The following SERPINE2 variants were observed in gnomAD, a reference collection of about 807,000 sequenced individuals.
SERPINE2 encodes the protein serpin family E member 2, also known as glia-derived nexin.
Under a neutral mutation model 36.3 loss-of-function variants are expected in SERPINE2, and 14 were observed. That is an observed-to-expected ratio of 0.39 (90% confidence interval 0.25 to 0.60). SERPINE2 has a LOEUF of 0.60. SERPINE2 is among the 20% of genes least tolerant of loss of function. The pLI, the probability that SERPINE2 is intolerant of heterozygous loss-of-function variation, is 0.57. For missense variants in SERPINE2, 418 were observed against 499.6 expected (o/e 0.84, Z 1.56); for synonymous variants, 192 against 191.8 (o/e 1.00, Z -0.01).
chr2:224,009,702 A>C (rs558286908), intron 1 of SERPINE2, among the ~76,000 whole-genome samples: 2 of 152,004 alleles, frequency 1.3e-5, no homozygotes, highest in African/African-American at 2.4e-5. Context: ...CTCAAAAAAA[A>C]AACAACAACA....
At chr2:224,013,195 A>T (rs1691688920) in intron 1 of SERPINE2, among the ~76,000 whole-genome samples, 1 of 152,300 alleles carries the variant, frequency 6.6e-6, no homozygotes. Flanking sequence ...TCCCCGGCTC[A>T]CTGAAATAGG....
chr2:224,021,094 T>C (rs1691982487), intron 1 of SERPINE2, among the ~76,000 whole-genome samples: 1 of 152,188 alleles, frequency 6.6e-6, no homozygotes, highest in African/African-American at 2.4e-5. Flanking sequence ...AGACCATGGA[T>C]AAGGACATCC....
chr2:224,020,538 T>C (rs1040032236), intron 1 of SERPINE2, among the ~76,000 whole-genome samples: 2 of 152,142 alleles, frequency 1.3e-5, no homozygotes, highest in African/African-American at 4.8e-5. Flanking sequence ...ACTAATATAA[T>C]ATGCTGCTGA....
At chr2:223,987,315 A>G (rs944974327) in intron 4 of SERPINE2, among the ~76,000 whole-genome samples, 6 of 152,122 alleles carry the variant, frequency 3.9e-5, no homozygotes, top group Non-Finnish European at 7.4e-5. Flanking sequence ...TCACAGTCTA[A>G]ACACAAAATC....
At chr2:223,979,219 C>T (rs1352490893) in intron 7 of SERPINE2, 1 of 152,170 alleles carries the variant, frequency 6.6e-6, no homozygotes, top group Non-Finnish European at 1.5e-5. Flanking sequence ...AATTCTTATA[C>T]ATTTTGAACA....
chr2:223,981,936 T>C (rs1471145883), intron 6 of SERPINE2: 1 of 149,948 alleles, frequency 6.7e-6, no homozygotes, highest in African/African-American at 2.5e-5. Context: ...AAGGAAAAAG[T>C]TGGCATTTGA....
At chr2:223,977,650 T>C in intron 7 of SERPINE2, 23 bp from the exon 8 acceptor site, 2 of 1,537,592 alleles carry the variant, frequency 1.3e-6, no homozygotes, top group African/African-American at 1.4e-5. Context: ...AAGGAAAATG[T>C]GTTGTGCACA....
intron 1 of SERPINE2, among the ~76,000 whole-genome samples, chr2:224,015,696 G>A (rs750084535): frequency 2.6e-4 from 39 of 152,072 alleles, no homozygotes; most frequent in Admixed American, 4.6e-4. Context: ...CTCACCACCC[G>A]GCACTGCGCA....
intron 1 of SERPINE2, among the ~76,000 whole-genome samples, chr2:224,014,384 A>AAAAAG (rs1480491746): frequency 2.0e-5 from 3 of 152,142 alleles, no homozygotes; most frequent in African/African-American, 7.2e-5. Context: ...AAAAAAAAAG[A>AAAAAG]AAAAGAAAAA....
intron 1 of SERPINE2, among the ~76,000 whole-genome samples, chr2:224,024,768 A>G (rs1392218576): frequency 1.3e-5 from 2 of 152,252 alleles, no homozygotes; most frequent in African/African-American, 4.8e-5. Flanking sequence ...TGCTGCCAAC[A>G]TCCAAAGCTA....
chr2:224,001,297 C>T (rs889182939), intron 2 of SERPINE2, among the ~76,000 whole-genome samples: 1 of 152,226 alleles, frequency 6.6e-6, no homozygotes, highest in African/African-American at 2.4e-5. Context: ...GCTTCACAAG[C>T]ACATCTACGA....
chr2:223,988,877 T>C (rs1270959851), intron 4 of SERPINE2, among the ~76,000 whole-genome samples: 2 of 152,200 alleles, frequency 1.3e-5, no homozygotes, highest in Non-Finnish European at 2.9e-5. Flanking sequence ...TCCTTATGAA[T>C]TGGCACAAAA....
chr2:223,988,615 TA>T (rs1441749471), intron 4 of SERPINE2, among the ~76,000 whole-genome samples: 1 of 152,184 alleles, frequency 6.6e-6, no homozygotes, highest in African/African-American at 2.4e-5. Context: ...TTTTCCAAAA[TA>T]AAGTCTCAAA....
intron 1 of SERPINE2, among the ~76,000 whole-genome samples, chr2:224,016,601 T>G (rs1237640119): frequency 6.6e-6 from 1 of 152,192 alleles, no homozygotes; most frequent in East Asian, 1.9e-4. Flanking sequence ...AACATGCACT[T>G]AACTGTATAA....
intron 1 of SERPINE2, among the ~76,000 whole-genome samples, chr2:224,033,179 G>A (rs1323477876): frequency 6.6e-6 from 1 of 152,154 alleles, no homozygotes; most frequent in African/African-American, 2.4e-5. Context: ...GAGGAAAGAT[G>A]GTTTGCAAAG....
At chr2:223,994,722 C>T (rs753857484) in intron 3 of SERPINE2, among the ~76,000 whole-genome samples, 9 of 152,196 alleles carry the variant, frequency 5.9e-5, no homozygotes, top group Non-Finnish European at 2.9e-5. Flanking sequence ...CTGAGATGGA[C>T]AGTACCTCAG....
chr2:224,008,871 G>T (rs1482177718), intron 1 of SERPINE2, among the ~76,000 whole-genome samples: 1 of 152,204 alleles, frequency 6.6e-6, no homozygotes, highest in African/African-American at 2.4e-5. Context: ...AGCCAGACTG[G>T]TGACTGTTTC....
chr2:224,007,666 C>G (rs7584056), intron 1 of SERPINE2, among the ~76,000 whole-genome samples: 103,608 of 152,128 alleles, frequency 0.68, 35,790 homozygotes, highest in Non-Finnish European at 0.75. Flanking sequence ...ATTTGAATTA[C>G]GATCTAAGTA....
At chr2:224,008,697 C>A (rs1691512019) in intron 1 of SERPINE2, among the ~76,000 whole-genome samples, 1 of 152,202 alleles carries the variant, frequency 6.6e-6, no homozygotes, top group Non-Finnish European at 1.5e-5. Context: ...CTCCAGGGAG[C>A]TCTGGTTCCT....
Sources: gnomAD v4.1 joint callset for allele counts (sites outside exome capture counted in the v4.1 genomes callset) on GRCh38, gnomAD v4.1.1 for gene constraint, MANE v1.5 for transcripts, NCBI Gene and HGNC (gene_info 2026-07-23, HGNC 2026-07-21) for gene names.